The following RBFOX1 variants were observed in gnomAD, a reference collection of about 807,000 sequenced individuals.
RBFOX1 encodes the protein RNA binding fox-1 homolog 1, also known as RNA binding protein fox-1 homolog 1.
Under a neutral mutation model 57.7 loss-of-function variants are expected in RBFOX1, and 8 were observed. The ratio of observed to expected loss-of-function variants is 0.14; its 90% CI spans 0.08 to 0.25. RBFOX1 has a LOEUF of 0.25. Among genes scored for constraint, RBFOX1 ranks in the 10% least tolerant of loss-of-function variants. RBFOX1 has a pLI of 1.00. For missense variants in RBFOX1, 611 were observed against 548.5 expected (o/e 1.11, Z -1.14); for synonymous variants, 326 against 222.4 (o/e 1.47, Z -4.15).
intron 1 of RBFOX1, among the ~76,000 whole-genome samples, chr16:6,210,941 G>T (rs906120036): frequency 1.3e-5 from 2 of 151,984 alleles, no homozygotes; most frequent in Admixed American, 6.5e-5. Flanking sequence ...TTCTTTGAGG[G>T]GGCCTTGCAT....
chr16:5,543,233 G>A (rs971534274), intron 2 of RBFOX1, among the ~76,000 whole-genome samples: 2 of 152,110 alleles, frequency 1.3e-5, no homozygotes, highest in African/African-American at 4.8e-5. Flanking sequence ...AACCTAAAAT[G>A]AGTAGAAACA....
chr16:5,791,516 C>T lies in RBFOX1; in HGVS notation c.319-75787C>T, dbSNP rs571055723. 8.5e-4 allele frequency among the ~76,000 whole-genome samples: 130 copies of T among 152,270 alleles called. 2 individuals carry two copies. The highest frequency in any genetic ancestry group is 3.4e-3 in the Middle Eastern group (1 of 294). ...TATCGTGTTCATGCCTCTGTTCTCA[C>T]TGCCTGGCACAGTAACTGACAGGCA... is the stretch of plus-strand genomic sequence containing the variant. On this transcript the variant is annotated intron_variant, in intron 3 of 19. Coordinates refer to the RBFOX1 transcript ENST00000641259.
intron 4 of RBFOX1, among the ~76,000 whole-genome samples, chr16:7,196,011 C>A (rs1278966301): frequency 6.6e-6 from 1 of 150,978 alleles, no homozygotes. Context: ...CTGTCACCGT[C>A]TGAAAAAAAA....
At chr16:7,628,019 G>T (rs765067792) in intron 10 of RBFOX1, among the ~76,000 whole-genome samples, 5 of 151,682 alleles carry the variant, frequency 3.3e-5, no homozygotes, top group African/African-American at 9.7e-5. Context: ...TCATTATGCC[G>T]TGCCAGAGGT....
At chr16:7,455,680 A>C (rs1269013520) in intron 4 of RBFOX1, among the ~76,000 whole-genome samples, 3 of 150,224 alleles carry the variant, frequency 2.0e-5, no homozygotes, top group Admixed American at 6.7e-5. Flanking sequence ...CCAGCTACTC[A>C]GGAGGCTGAG....
At chr16:5,690,127 C>T (rs879490988) in intron 3 of RBFOX1, among the ~76,000 whole-genome samples, 22 of 152,166 alleles carry the variant, frequency 1.4e-4, no homozygotes, top group Non-Finnish European at 2.8e-4. Context: ...TAAGACGCCC[C>T]GGTTGGTTTT....
At chr16:7,698,671 C>T (rs946766171) in intron 14 of RBFOX1, among the ~76,000 whole-genome samples, 10 of 152,280 alleles carry the variant, frequency 6.6e-5, no homozygotes, top group Admixed American at 5.9e-4. Flanking sequence ...TTTGATTATT[C>T]AGCAAAGTTG....
chr16:7,361,580 C>A (rs975404124), intron 4 of RBFOX1, among the ~76,000 whole-genome samples: 1 of 152,136 alleles, frequency 6.6e-6, no homozygotes, highest in Non-Finnish European at 1.5e-5. Context: ...TGTAGCTGTT[C>A]CCGGCCTTGT....
At chr16:6,613,467 G>A (rs997617726) in intron 2 of RBFOX1, among the ~76,000 whole-genome samples, 2 of 151,998 alleles carry the variant, frequency 1.3e-5, no homozygotes, top group African/African-American at 4.8e-5. Context: ...AAAGTCTTCC[G>A]CTCCAACCCT....
At chr16:5,967,106 G>A (rs947717896) in intron 4 of RBFOX1, among the ~76,000 whole-genome samples, 11 of 150,832 alleles carry the variant, frequency 7.3e-5, no homozygotes, top group African/African-American at 2.7e-4. Context: ...CTGCTTCTTC[G>A]AGTTAACAAC....
At chr16:5,579,040 G>A (rs1412527376) in intron 2 of RBFOX1, among the ~76,000 whole-genome samples, 1 of 151,908 alleles carries the variant, frequency 6.6e-6, no homozygotes, top group Non-Finnish European at 1.5e-5. Flanking sequence ...TAGAGACAAG[G>A]TTTCATTATG....
At chr16:7,422,241 G>A (rs2098550012) in intron 4 of RBFOX1, among the ~76,000 whole-genome samples, 1 of 152,146 alleles carries the variant, frequency 6.6e-6, no homozygotes, top group Non-Finnish European at 1.5e-5. Flanking sequence ...GTTAGGCACG[G>A]CACTCAGAAA....
chr16:6,113,362 A>G (rs935249624), intron 1 of RBFOX1, among the ~76,000 whole-genome samples: 1 of 152,234 alleles, frequency 6.6e-6, no homozygotes. Context: ...CATAGCCACC[A>G]TTAGGCTATG....
chr16:6,060,112 T>A (rs1427921613), intron 1 of RBFOX1, among the ~76,000 whole-genome samples: 1 of 142,208 alleles, frequency 7.0e-6, no homozygotes, highest in African/African-American at 2.6e-5. Context: ...GCCCTAAAAT[T>A]AGGATTAGGG....
chr16:6,311,296 A>AAAAG (rs33948118), intron 1 of RBFOX1, among the ~76,000 whole-genome samples: 2 of 8,110 alleles, frequency 2.5e-4, no homozygotes, highest in Non-Finnish European at 1.7e-3. Flanking sequence ...ACTCTGTCTC[A>AAAAG]AAAAAAAAAA....
At chr16:6,348,750 G>A (rs2085791405) in intron 2 of RBFOX1, among the ~76,000 whole-genome samples, 1 of 151,884 alleles carries the variant, frequency 6.6e-6, no homozygotes, top group African/African-American at 2.4e-5. Flanking sequence ...AGCACCAAGG[G>A]GATGGTGCTA....
At chr16:5,944,248 A>T (rs570190780) in intron 4 of RBFOX1, among the ~76,000 whole-genome samples, 3 of 152,322 alleles carry the variant, frequency 2.0e-5, no homozygotes, top group Admixed American at 6.5e-5. Context: ...CACTCCTTGC[A>T]CTGTGTAAGT....
At position 6,768,830 on chromosome 16, in the gene RBFOX1, G is replaced by T. The variant is rs144323201; in HGVS notation, c.-16+114180G>T. Reference sequence around the variant, plus strand: ...TGCAACCTCTGTCTGCAGGTTTCAAGCGATTCTTCTGCCTCAGCCTCCCGA... The same window carrying T: ...TGCAACCTCTGTCTGCAGGTTTCAATCGATTCTTCTGCCTCAGCCTCCCGA... On this transcript the variant is annotated intron_variant, in intron 3 of 15. Transcript: ENST00000550418. Among the ~76,000 whole-genome samples the T allele has an allele frequency of 3.3e-5, 5 of 151,608 alleles. No homozygotes were observed. The East Asian group carries it at 9.7e-4, about 30-fold the overall frequency.
intron 4 of RBFOX1, among the ~76,000 whole-genome samples, chr16:7,145,034 C>T (rs1335915219): frequency 6.6e-6 from 1 of 152,120 alleles, no homozygotes; most frequent in Non-Finnish European, 1.5e-5. Context: ...TTGTTCTGGG[C>T]AAATCCTAGC....
Sources: allele counts gnomAD v4.1 joint callset (sites outside exome capture counted in the v4.1 genomes callset), GRCh38; gene constraint gnomAD v4.1.1; transcripts MANE v1.5; gene names NCBI Gene and HGNC (gene_info 2026-07-23, HGNC 2026-07-21).